GPR158: variants seen among roughly 807,000 people sequenced by gnomAD.
GPR158 encodes the protein G protein-coupled receptor 158.
A neutral mutation model predicts 78.2 loss-of-function variants in GPR158; 30 were observed. The ratio of observed to expected loss-of-function variants is 0.38; its 90% CI spans 0.29 to 0.52. The LOEUF (loss-of-function observed/expected upper bound fraction) is 0.52. Among genes scored for constraint, GPR158 ranks in the 20% least tolerant of loss-of-function variants. The pLI, the probability that GPR158 is intolerant of heterozygous loss-of-function variation, is 0.83. For missense variants in GPR158, 1,463 were observed against 1,523.5 expected (o/e 0.96, Z 0.66); for synonymous variants, 581 against 591.1 (o/e 0.98, Z 0.25).
intron 2 of GPR158, among the ~76,000 whole-genome samples, chr10:25,276,947 AT>A (rs750990710): frequency 0.031 from 4,306 of 138,972 alleles, 60 homozygotes; most frequent in South Asian, 0.078. Context: ...GCATCCAACT[AT>A]TTTTTTTTTT....
chr10:25,362,212 G>A (rs1026972865), intron 2 of GPR158, among the ~76,000 whole-genome samples: 42 of 151,844 alleles, frequency 2.8e-4, no homozygotes, highest in Non-Finnish European at 5.3e-4. Context: ...GTTGTAAAAG[G>A]TGTCCTTCCT....
chr10:25,466,763 G>C (rs1436656489), intron 5 of GPR158, 44 bp downstream of exon 5: 1 of 1,050,134 alleles, frequency 9.5e-7, no homozygotes, highest in East Asian at 2.4e-5. Flanking sequence ...TTTATTTTAT[G>C]TTGCATACTA....
chr10:25,400,639 A>G (rs1206670581), intron 3 of GPR158, among the ~76,000 whole-genome samples: 3 of 152,174 alleles, frequency 2.0e-5, no homozygotes, highest in African/African-American at 4.8e-5. Flanking sequence ...CTTCAAATCC[A>G]GGTTGTTCCC....
At chr10:25,537,733 A>T (rs908215646) in intron 5 of GPR158, among the ~76,000 whole-genome samples, 1 of 152,068 alleles carries the variant, frequency 6.6e-6, no homozygotes, top group African/African-American at 2.4e-5. Flanking sequence ...AGGTGACTGG[A>T]TATGGGGGTG....
In GPR158 at chr10:25,254,955, C is replaced by T. The variant is rs146573205; in HGVS notation, c.1008+33798C>T. On this transcript the variant is annotated intron_variant, in intron 2 of 10. Coordinates refer to ENST00000376351, the MANE Select transcript of GPR158 (RefSeq NM_020752.3). The stretch of plus-strand genomic sequence containing the variant: ...CCTTGAAATCAACATAGAAAGTCTT[C>T]GAGTAGTCCTTCTGGGTCTATTACT... Among the ~76,000 whole-genome samples, 420 of 152,274 alleles carry T rather than the reference C, an allele frequency of 2.8e-3. 3 individuals carry two copies. Among genetic ancestry groups the T allele is most frequent in the African/African-American group, 9.8e-3 (406 of 41,552 alleles).
chr10:25,560,116 C>G (rs1045665040), intron 6 of GPR158, among the ~76,000 whole-genome samples: 7 of 152,166 alleles, frequency 4.6e-5, no homozygotes, highest in Non-Finnish European at 8.8e-5. Flanking sequence ...TAAATATGAG[C>G]AGTCAAACTC....
chr10:25,253,358 T>A (rs1853842189), intron 2 of GPR158, among the ~76,000 whole-genome samples: 1 of 152,148 alleles, frequency 6.6e-6, no homozygotes, highest in Non-Finnish European at 1.5e-5. Flanking sequence ...TTCTTTAGAA[T>A]AATGGGGGAG....
At chr10:25,577,335 T>A (rs1391238308) in intron 7 of GPR158, among the ~76,000 whole-genome samples, 1 of 152,176 alleles carries the variant, frequency 6.6e-6, no homozygotes, top group Non-Finnish European at 1.5e-5. Context: ...AGGAAGGGAC[T>A]GTAGAGAGGG....
intron 2 of GPR158, among the ~76,000 whole-genome samples, 199 bp from the exon 3 acceptor site, chr10:25,395,712 A>C (rs2130528460): frequency 6.6e-6 from 1 of 152,350 alleles, no homozygotes; most frequent in South Asian, 2.1e-4. Flanking sequence ...TAATGGCATA[A>C]ATTTAGAAAG....
intron 7 of GPR158, among the ~76,000 whole-genome samples, chr10:25,574,146 C>CAAAA (rs34285790): frequency 3.2e-5 from 2 of 62,314 alleles, no homozygotes; most frequent in African/African-American, 6.2e-5. Context: ...TTCTGTTTTA[C>CAAAA]AAAAAAAAAA....
intron 4 of GPR158, among the ~76,000 whole-genome samples, chr10:25,420,255 C>T (rs761218357): frequency 9.0e-4 from 137 of 152,092 alleles, no homozygotes; most frequent in Non-Finnish European, 1.2e-3. Context: ...GCTCAAGCAA[C>T]CCTCCCACCT....
chr10:25,467,644 G>A (rs1193802098), intron 5 of GPR158, among the ~76,000 whole-genome samples: 2 of 152,092 alleles, frequency 1.3e-5, no homozygotes, highest in African/African-American at 2.4e-5. Context: ...CCCTTAGATA[G>A]GAATTTGGGC....
intron 3 of GPR158, among the ~76,000 whole-genome samples, chr10:25,404,324 A>G (rs762348414): frequency 9.2e-5 from 14 of 152,084 alleles, no homozygotes; most frequent in South Asian, 6.2e-4. Flanking sequence ...ATACATTGTT[A>G]AAGAGGCAGT....
intron 4 of GPR158, among the ~76,000 whole-genome samples, chr10:25,451,646 T>C (rs77429375): frequency 0.015 from 2,330 of 152,290 alleles, 68 homozygotes; most frequent in African/African-American, 0.054. Context: ...TAATGTCAGT[T>C]CCATCCGTTT....
chr10:25,199,543 A>AT (rs1166934887), intron 1 of GPR158, among the ~76,000 whole-genome samples: 6 of 152,084 alleles, frequency 3.9e-5, no homozygotes, highest in Non-Finnish European at 7.4e-5. Context: ...CTCATCTTGA[A>AT]TTGTAATCTC....
At chr10:25,423,525 A>C (rs1330770743) in intron 4 of GPR158, among the ~76,000 whole-genome samples, 1 of 151,964 alleles carries the variant, frequency 6.6e-6, no homozygotes, top group Non-Finnish European at 1.5e-5. Flanking sequence ...TCTTAATGCT[A>C]TCCGTCCCCC....
At chr10:25,189,204 A>G (rs1247067224) in intron 1 of GPR158, among the ~76,000 whole-genome samples, 2 of 152,212 alleles carry the variant, frequency 1.3e-5, no homozygotes, top group African/African-American at 4.8e-5. Flanking sequence ...AACTAGTTCA[A>G]CCATTGTGGA....
At chr10:25,562,768 C>G (rs1194899534) in intron 6 of GPR158, among the ~76,000 whole-genome samples, 1 of 152,146 alleles carries the variant, frequency 6.6e-6, no homozygotes, top group African/African-American at 2.4e-5. Flanking sequence ...ATGAATACCC[C>G]GTGTTTGTCT....
intron 2 of GPR158, among the ~76,000 whole-genome samples, chr10:25,338,553 T>G (rs1242932279): frequency 1.8e-5 from 1 of 55,136 alleles, no homozygotes; most frequent in Non-Finnish European, 9.4e-5. Flanking sequence ...ACGTAATATA[T>G]AATACGTATT....
Sources: allele counts gnomAD v4.1 joint callset (sites outside exome capture counted in the v4.1 genomes callset), GRCh38; gene constraint gnomAD v4.1.1; transcripts MANE v1.5; gene names NCBI Gene and HGNC (gene_info 2026-07-23, HGNC 2026-07-21).